The following MYO1H variants were observed in gnomAD, a reference collection of about 807,000 sequenced individuals.
The protein encoded by MYO1H is unconventional myosin-Ih.
Under a neutral mutation model 149.3 loss-of-function variants are expected in MYO1H, and 118 were observed. The ratio of observed to expected loss-of-function variants is 0.79; its 90% CI spans 0.68 to 0.92. The LOEUF (loss-of-function observed/expected upper bound fraction) is 0.92. Ranked by LOEUF, MYO1H falls within the 40% of genes least tolerant of loss-of-function variation. The pLI, the probability that MYO1H is intolerant of heterozygous loss-of-function variation, is 0.00. For missense variants in MYO1H, 1,212 were observed against 1,280.7 expected (o/e 0.95, Z 0.82); for synonymous variants, 447 against 465.2 (o/e 0.96, Z 0.50).
At chr12:109,315,563 A>C in the MYO1H span, among the ~76,000 whole-genome samples, 1 of 152,222 alleles carries the variant, frequency 6.6e-6, no homozygotes, top group Admixed American at 6.5e-5. Flanking sequence ...TAGAATTTTT[A>C]AATTCTACAC....
intron 5 of MYO1H, among the ~76,000 whole-genome samples, chr12:109,399,290 A>G (rs1208377771): frequency 6.6e-6 from 1 of 152,212 alleles, no homozygotes; most frequent in Non-Finnish European, 1.5e-5. Context: ...AGATCAAGAC[A>G]TAAAAATTTC....
chr12:109,312,558 G>T, the MYO1H span, among the ~76,000 whole-genome samples: 12,522 of 152,088 alleles, frequency 0.082, 672 homozygotes, highest in African/African-American at 0.14. Flanking sequence ...TTTATTATCA[G>T]GTCATGACCG....
In MYO1H at chr12:109,361,890, C is replaced by T. The variant is rs978290807; in HGVS notation, c.12+13918C>T. Among the ~76,000 whole-genome samples, 7 of 145,868 alleles carry T rather than the reference C, an allele frequency of 4.8e-5. No individual in the cohort carries two copies. The East Asian group carries it at 1.5e-3, about 30-fold the overall frequency. ...AATGCTTTGCTGTGCAACACTATTACATAGAACAAGATGAAGGGAGGCCCT... is the reference window on the plus strand; with the variant it reads ...AATGCTTTGCTGTGCAACACTATTATATAGAACAAGATGAAGGGAGGCCCT... On this transcript the variant is annotated intron_variant, in intron 1 of 31. Transcript: ENST00000310903.
At chr12:109,409,768 C>A in intron 11 of MYO1H, 144 bp downstream of exon 11, 1 of 785,070 alleles carries the variant, frequency 1.3e-6, no homozygotes, top group Non-Finnish European at 2.1e-6. Flanking sequence ...ACTCACAGAC[C>A]ATCCTAGATG....
At chr12:109,378,408 C>G (rs192457744) in intron 1 of MYO1H, among the ~76,000 whole-genome samples, 1 of 152,050 alleles carries the variant, frequency 6.6e-6, no homozygotes, top group African/African-American at 2.4e-5. Flanking sequence ...GCAGCCTTGA[C>G]CTCCCAGACT....
chr12:109,311,651 C>T, the MYO1H span, among the ~76,000 whole-genome samples: 1 of 152,136 alleles, frequency 6.6e-6, no homozygotes, highest in Non-Finnish European at 1.5e-5. Flanking sequence ...CAATACCCAC[C>T]TTTTTTGTTT....
intron 9 of MYO1H, 37 bp downstream of exon 9, chr12:109,406,897 CCTG>C (rs531067217): frequency 1.0e-5 from 16 of 1,578,090 alleles, no homozygotes; most frequent in Middle Eastern, 1.7e-4. Flanking sequence ...GCCAGCCCTC[CCTG>C]CTGCTGCTGC....
chr12:109,393,551 C>CCATCCATCCATCCATTCATT, intron 3 of MYO1H, 105 bp downstream of exon 3: 3 of 607,972 alleles, frequency 4.9e-6, no homozygotes, highest in Non-Finnish European at 3.0e-6. Flanking sequence ...ATCCATCCAT[C>CCATCCATCCATCCATTCATT]CATCCATCCA....
At chr12:109,323,612 C>G in the MYO1H span, among the ~76,000 whole-genome samples, 1 of 152,126 alleles carries the variant, frequency 6.6e-6, no homozygotes, top group East Asian at 1.9e-4. Flanking sequence ...CTAAGTGCTC[C>G]CAGAGGGTAC....
At chr12:109,326,504 T>TTTTA in the MYO1H span, among the ~76,000 whole-genome samples, 1 of 98,238 alleles carries the variant, frequency 1.0e-5, no homozygotes, top group Non-Finnish European at 2.3e-5. Context: ...TTTTATTTTA[T>TTTTA]TTTATTTTAT....
rs763165573 is a variant in MYO1H at position 109,427,541 on chromosome 12, G to A, written c.1904G>A (p.Arg635Gln). The change falls in exon 19 of 32, where the codon CGG becomes CAG. Residue 635 changes from arginine (R) to glutamine (Q), a missense_variant. Physicochemically the swap from Arg to Gln is conservative, Grantham distance 43 (BLOSUM62 1). Transcript: ENST00000310903. ...CTGATGGAGCACCTGCGGGTGAGAC[G>A]GGCTGGTTTTGCATACCGAAGGAAA... The A allele has an allele frequency of 3.7e-5, 59 of 1,612,826 alleles. 1 individual carries two copies. The highest frequency in any genetic ancestry group is 3.3e-4 in the Middle Eastern group (2 of 6,082).
In MYO1H at chr12:109,443,634, T is replaced by G. The variant is rs370866919; in HGVS notation, c.2809T>G (p.Tyr937Asp). ...TGCCAAAATCAAGCAGAAAATAGAG[T>G]ACTCAGCTCTCAAAGGTAAGAAGTG... The change falls in exon 28 of 32, where the codon TAC becomes GAC. Residue 937 changes from tyrosine (Y) to aspartate (D), a missense_variant. Tyr to Asp is a radical substitution (Grantham distance 160). Transcript: ENST00000310903. The G allele has an allele frequency of 5.0e-6, 8 of 1,613,344 alleles. No individual in the cohort carries two copies. In the African/African-American group the frequency reaches 1.1e-4, roughly 22 times the overall value.
At chr12:109,393,343 A>G (rs1443781302) in exon 3 of MYO1H, 2 of 1,574,200 alleles carry the variant, frequency 1.3e-6, no homozygotes, top group African/African-American at 1.4e-5. Context: ...ATATATTGGC[A>G]CCCTCCTTGT....
the MYO1H span, among the ~76,000 whole-genome samples, chr12:109,313,019 T>G: frequency 3.3e-5 from 5 of 151,868 alleles, no homozygotes; most frequent in African/African-American, 1.2e-4. Context: ...GGCGGGTGGA[T>G]GCTTGAGCTC....
the MYO1H span, among the ~76,000 whole-genome samples, chr12:109,319,787 T>G: frequency 6.6e-6 from 1 of 152,154 alleles, no homozygotes; most frequent in Non-Finnish European, 1.5e-5. Flanking sequence ...CACTAGATGT[T>G]AGATGTTGCC....
chr12:109,418,774 G>C (rs1390127323), intron 15 of MYO1H, among the ~76,000 whole-genome samples: 1 of 152,070 alleles, frequency 6.6e-6, no homozygotes, highest in Admixed American at 6.6e-5. Context: ...TCGATCTCCT[G>C]ACCTCGTGAT....
exon 4 of MYO1H, chr12:109,396,546 C>T (rs1158641261): frequency 1.9e-6 from 3 of 1,613,588 alleles, no homozygotes; most frequent in Non-Finnish European, 8.5e-7. Flanking sequence ...TACAAATAGC[C>T]CGTGACAGAC....
the MYO1H span, among the ~76,000 whole-genome samples, chr12:109,320,038 G>A: frequency 6.6e-6 from 1 of 151,306 alleles, no homozygotes; most frequent in Non-Finnish European, 1.5e-5. Flanking sequence ...TATTGGCCAG[G>A]CATAGTGGTT....
intron 23 of MYO1H, among the ~76,000 whole-genome samples, chr12:109,439,377 C>A (rs1872010414): frequency 6.6e-6 from 1 of 152,194 alleles, no homozygotes; most frequent in African/African-American, 2.4e-5. Flanking sequence ...CCATGCCCAG[C>A]CTTGAAATCT....
Sources: allele counts gnomAD v4.1 joint callset (sites outside exome capture counted in the v4.1 genomes callset), GRCh38; gene constraint gnomAD v4.1.1; transcripts MANE v1.5; gene names NCBI Gene and HGNC (gene_info 2026-07-23, HGNC 2026-07-21).